Variants in RNF180 observed in about 807,000 individuals in gnomAD.
The protein encoded by RNF180 is ring finger protein 180.
In RNF180, 38 loss-of-function variants were observed where a neutral mutation model predicts 59.2. The observed-to-expected ratio is 0.64, with a 90% confidence interval of 0.50 to 0.84. RNF180 has a LOEUF of 0.84. RNF180 is among the 40% of genes least tolerant of loss of function. The probability of loss-of-function intolerance (pLI) is 0.00; values close to 1 mark genes in which losing one functional copy is unlikely to be tolerated. For synonymous variants in RNF180, 262 were observed against 240.3 expected (o/e 1.09, Z -0.84); for missense variants, 705 against 700.9 (o/e 1.01, Z -0.07).
chr5:64,311,422 A>G (rs927376212), intron 5 of RNF180, among the ~76,000 whole-genome samples: 2 of 151,884 alleles, frequency 1.3e-5, no homozygotes, highest in African/African-American at 2.4e-5. Flanking sequence ...ACAAAGTCCT[A>G]TGGTTTCCTG....
chr5:64,322,056 T>C (rs1744379567), intron 5 of RNF180, among the ~76,000 whole-genome samples: 1 of 152,084 alleles, frequency 6.6e-6, no homozygotes. Flanking sequence ...ACAAAAACCC[T>C]AGAAGAAAAC....
At chr5:64,243,383 C>A (rs947962651) in intron 5 of RNF180, among the ~76,000 whole-genome samples, 1 of 152,168 alleles carries the variant, frequency 6.6e-6, no homozygotes, top group African/African-American at 2.4e-5. Flanking sequence ...ACCTGGGACT[C>A]TCAAGCTTGG....
intron 5 of RNF180, among the ~76,000 whole-genome samples, chr5:64,269,886 A>G: frequency 6.6e-6 from 1 of 152,076 alleles, no homozygotes; most frequent in Middle Eastern, 3.2e-3. Flanking sequence ...GTAGCCATCA[A>G]TTTTCAGGCA....
chr5:64,307,191 G>A (rs954430625), intron 5 of RNF180, among the ~76,000 whole-genome samples: 1 of 148,920 alleles, frequency 6.7e-6, no homozygotes, highest in Admixed American at 6.8e-5. Context: ...TATAAGACAA[G>A]CCCCCAGGAA....
Position 64,369,614 on chromosome 5 carries a change from G to A in RNF180, c.1580-1G>A. 1 of 1,505,374 alleles carries A rather than the reference G, an allele frequency of 6.6e-7. No individual in the cohort carries two copies. Among genetic ancestry groups the A allele is most frequent in the Non-Finnish European group, 8.9e-7 (1 of 1,129,780 alleles). 93.3% of individuals were successfully genotyped at this position (1,505,374 alleles called of 1,614,324 possible). Reference sequence around the variant, plus strand: ...CTTTAATATGTTCATACATCTTCTAGGTTTCCGCAGACATGCAGCTCCAGT... The same window carrying A: ...CTTTAATATGTTCATACATCTTCTAAGTTTCCGCAGACATGCAGCTCCAGT... On this transcript the variant is annotated splice_acceptor_variant, in intron 7 of 7. Transcript: ENST00000389100. LOFTEE classifies it high-confidence loss of function.
chr5:64,322,928 A>G (rs1365175350), intron 5 of RNF180, among the ~76,000 whole-genome samples: 1 of 152,106 alleles, frequency 6.6e-6, no homozygotes, highest in Non-Finnish European at 1.5e-5. Context: ...CATCACTACT[A>G]AACAACTTAT....
intron 5 of RNF180, among the ~76,000 whole-genome samples, chr5:64,236,534 A>G (rs1742450505): frequency 6.6e-6 from 1 of 152,138 alleles, no homozygotes; most frequent in South Asian, 2.1e-4. Flanking sequence ...GAAAAGAAAA[A>G]CCCATTTTCT....
intron 5 of RNF180, among the ~76,000 whole-genome samples, chr5:64,226,135 C>T (rs1741740906): frequency 6.6e-6 from 1 of 152,182 alleles, no homozygotes; most frequent in Admixed American, 6.5e-5. Flanking sequence ...TGCCCGGCTG[C>T]CCCATCTGGG....
rs75683271 is a variant in RNF180, at chr5:64,252,982, G to A, written c.1227+35586G>A. Among the ~76,000 whole-genome samples the A allele has an allele frequency of 2.3e-4, 35 of 151,934 alleles. No homozygotes were observed. In the East Asian group the frequency reaches 6.0e-3, roughly 26 times the overall value. On this transcript the variant is annotated intron_variant, in intron 5 of 7. Transcript: ENST00000389100. ...ATTCATGTTTGCTCTGTACCTCCCC[G>A]AGAGTGATCAAGGATGGGATAAAGG...
chr5:64,188,714 G>C (rs979662265), intron 1 of RNF180, among the ~76,000 whole-genome samples: 3 of 151,946 alleles, frequency 2.0e-5, no homozygotes, highest in Non-Finnish European at 4.4e-5. Flanking sequence ...ATATTTGGTG[G>C]GTTTTCTTTG....
At chr5:64,240,020 A>G (rs1211207841) in intron 5 of RNF180, among the ~76,000 whole-genome samples, 1 of 152,174 alleles carries the variant, frequency 6.6e-6, no homozygotes, top group Admixed American at 6.5e-5. Context: ...TTTCAGAAAT[A>G]CACATTTGCC....
intron 5 of RNF180, among the ~76,000 whole-genome samples, chr5:64,319,371 A>G (rs1484542311): frequency 5.9e-5 from 9 of 152,126 alleles, no homozygotes; most frequent in Admixed American, 5.9e-4. Flanking sequence ...TTGATGTACT[A>G]TACATTATAC....
Position 64,366,361 on chromosome 5 carries a change from G to A in RNF180, c.1580-3254G>A, listed in dbSNP as rs570312132. ...TAGTCTGATGGACTACACTTTGTAG[G>A]TGGTCTTTCTCTCTAGCTGCCTTTA... On this transcript the variant is annotated intron_variant, in intron 7 of 7. Coordinates refer to ENST00000389100, the MANE Select transcript of RNF180 (RefSeq NM_001113561.2). Among the ~76,000 whole-genome samples the A allele has an allele frequency of 1.3e-4, 20 of 151,654 alleles. No individual in the cohort carries two copies. The South Asian group carries it at 3.9e-3, about 30-fold the overall frequency.
intron 5 of RNF180, among the ~76,000 whole-genome samples, chr5:64,300,836 C>G (rs1332020128): frequency 6.6e-6 from 1 of 151,766 alleles, no homozygotes; most frequent in African/African-American, 2.4e-5. Context: ...ATTACTAACT[C>G]TTTTCCTTAC....
chr5:64,315,328 C>T (rs1457920465), intron 5 of RNF180, among the ~76,000 whole-genome samples: 1 of 152,104 alleles, frequency 6.6e-6, no homozygotes, highest in African/African-American at 2.4e-5. Context: ...TTACTTTGTT[C>T]TTTTTTGTGA....
At chr5:64,242,616 T>C (rs1742870375) in intron 5 of RNF180, among the ~76,000 whole-genome samples, 1 of 152,160 alleles carries the variant, frequency 6.6e-6, no homozygotes, top group Admixed American at 6.5e-5. Flanking sequence ...CTTCAAGTTA[T>C]AGGAGTTCAA....
chr5:64,171,841 C>G (rs1337341289), intron 1 of RNF180, among the ~76,000 whole-genome samples: 1 of 152,022 alleles, frequency 6.6e-6, no homozygotes, highest in Non-Finnish European at 1.5e-5. Flanking sequence ...TTCTCCACCC[C>G]GCCCCCCCAC....
At chr5:64,310,795 C>T (rs1743726440) in intron 5 of RNF180, among the ~76,000 whole-genome samples, 3 of 151,156 alleles carry the variant, frequency 2.0e-5, no homozygotes, top group African/African-American at 7.3e-5. Context: ...TGGAGGACCA[C>T]TAATGAAAGG....
intron 7 of RNF180, among the ~76,000 whole-genome samples, chr5:64,369,261 G>C (rs1319249708): frequency 1.3e-5 from 2 of 151,952 alleles, no homozygotes; most frequent in Admixed American, 6.6e-5. Context: ...ATCGAACAGT[G>C]AGAACACATG....
Sources: gnomAD v4.1 joint callset for allele counts (sites outside exome capture counted in the v4.1 genomes callset) on GRCh38, gnomAD v4.1.1 for gene constraint, MANE v1.5 for transcripts, NCBI Gene and HGNC (gene_info 2026-07-23, HGNC 2026-07-21) for gene names.